The following FASTKD1 variants were observed in gnomAD, a reference collection of about 807,000 sequenced individuals.
The protein encoded by FASTKD1 is FAST kinase domain-containing protein 1, mitochondrial.
In FASTKD1, 94 loss-of-function variants were observed where a neutral mutation model predicts 90.9. The observed-to-expected ratio is 1.03, with a 90% CI of 0.88 to 1.23. The LOEUF is 1.23. Among genes scored for constraint, FASTKD1 ranks in the 50% most tolerant of loss-of-function variants. FASTKD1 has a pLI of 0.00. For synonymous variants in FASTKD1, 319 were observed against 345.8 expected (o/e 0.92, Z 0.86); for missense variants, 945 against 993.5 (o/e 0.95, Z 0.66).
intron 8 of FASTKD1, 100 bp downstream of exon 8, chr2:169,546,118 C>T (rs886411913): frequency 1.6e-6 from 2 of 1,281,686 alleles, no homozygotes; most frequent in Admixed American, 2.4e-5. Flanking sequence ...AATTTTTAAA[C>T]CTCAAATTCC....
chr2:169,544,850 C>A lies in FASTKD1; in HGVS notation c.1702-15G>T. On this transcript the variant is annotated splice_polypyrimidine_tract_variant and intron_variant, in intron 8 of 14. Transcript: ENST00000453153. ...AAAGGATGGATCTGTATAAAAAGAA[C>A]AAAAAATTTATAGTTTAAACTTTAG... The A allele has an allele frequency of 6.9e-7, 1 of 1,441,040 alleles. No individual in the cohort carries two copies. The highest frequency in any genetic ancestry group is 2.1e-5 in the Admixed American group (1 of 48,146). 89.3% of individuals were successfully genotyped at this position (1,441,040 alleles called of 1,614,324 possible).
In FASTKD1 at chr2:169,560,798, A is replaced by T; in HGVS notation, c.573-13T>A. 1 of 1,489,088 alleles carries T rather than the reference A, an allele frequency of 6.7e-7. No homozygotes were observed. Among genetic ancestry groups the T allele is most frequent in the South Asian group, 1.4e-5 (1 of 71,230 alleles). The allele number at this position is 1,489,088 out of a possible 1,614,324, so 92.2% of individuals were successfully genotyped here. ...GACAGACAAGGAACTGAAAAAGAAA[A>T]AAGATGCAAAGATTTTTACATCAAT... is the stretch of plus-strand genomic sequence containing the variant. On this transcript the variant is annotated splice_polypyrimidine_tract_variant and intron_variant, in intron 4 of 14. Coordinates refer to ENST00000453153, the MANE Select transcript of FASTKD1 (RefSeq NM_024622.6).
Position 169,572,010 on chromosome 2 carries a change from A to G in FASTKD1, c.20T>C (p.Phe7Ser). The change falls in exon 2 of 15, where the codon TTC (phenylalanine) becomes TCC (serine). Residue 7 changes from phenylalanine to serine, a missense_variant. By Grantham distance (155) the Phe-to-Ser change is radical. Coordinates refer to ENST00000453153, the MANE Select transcript of FASTKD1 (RefSeq NM_024622.6). ...CATATTTGTAACCAATGACTCTAGGAAAACAGGTGTTTTTTTCATTTATAT... is the reference window on the plus strand; with the variant it reads ...CATATTTGTAACCAATGACTCTAGGGAAACAGGTGTTTTTTTCATTTATAT... MKKTPV[F>S]LESLVTNMLR... 26 of 1,573,220 alleles carry G rather than the reference A, an allele frequency of 1.7e-5. No individual in the cohort carries two copies. Among genetic ancestry groups the G allele is most frequent in the Non-Finnish European group, 2.2e-5 (26 of 1,160,596 alleles).
In FASTKD1 at chr2:169,557,305, C is replaced by CAA. The variant is rs553731936; in HGVS notation, c.972-10_972-9dup. On this transcript the variant is annotated splice_polypyrimidine_tract_variant and intron_variant, in intron 5 of 14. Transcript: ENST00000453153. Reference sequence around the variant, plus strand: ...AACATAGTTGATTTAAGTCTAGAAGCAAAAAAAAAAAAGTTTTTGGTTGAA... The same window carrying CAA: ...AACATAGTTGATTTAAGTCTAGAAGCAAAAAAAAAAAAAAGTTTTTGGTTGAA... The CAA allele has an allele frequency of 4.1e-4, 479 of 1,179,020 alleles. No individual in the cohort carries two copies. The highest frequency in any genetic ancestry group is 4.6e-4 in the Non-Finnish European group (401 of 878,414). The allele number at this position is 1,179,020 out of a possible 1,614,324, so 73.0% of individuals were successfully genotyped here. A position where few individuals can be genotyped will look rare whatever the true frequency, so the allele number is the denominator to read the frequency against.
chr2:169,544,361 G>A (rs1268482373), intron 9 of FASTKD1, among the ~76,000 whole-genome samples: 3 of 152,134 alleles, frequency 2.0e-5, no homozygotes, highest in Non-Finnish European at 4.4e-5. Flanking sequence ...CCTGAGGTCA[G>A]GAGTTCCTGA....
In FASTKD1 at chr2:169,560,825, A is replaced by G. The variant is rs1683558127; in HGVS notation, c.573-40T>C. ...AGATGCAAAGATTTTTACATCAATT[A>G]AGAATGATCAATTCTTTTTTTTTTT... On this transcript the variant is annotated intron_variant, in intron 4 of 14. Coordinates refer to ENST00000453153, the MANE Select transcript of FASTKD1 (RefSeq NM_024622.6). 8 of 1,186,252 alleles carry G rather than the reference A, an allele frequency of 6.7e-6. No individual in the cohort carries two copies. In the Admixed American group the frequency reaches 2.1e-4, roughly 32 times the overall value. 73.5% of individuals were successfully genotyped at this position (1,186,252 alleles called of 1,614,324 possible).
chr2:169,548,674 GT>G (rs1277180791), intron 7 of FASTKD1, among the ~76,000 whole-genome samples: 2 of 138,256 alleles, frequency 1.4e-5, no homozygotes, highest in Non-Finnish European at 3.0e-5. Flanking sequence ...GGAGGTTGCA[GT>G]GAGCCGAGAT....
intron 14 of FASTKD1, 43 bp from the exon 15 acceptor site, chr2:169,529,969 C>A (rs1352188449): frequency 3.0e-6 from 4 of 1,342,632 alleles, no homozygotes; most frequent in Admixed American, 1.9e-5. Flanking sequence ...TTTAAAGCAA[C>A]AACAAAAAAC....
At chr2:169,533,612 AAT>A (rs1559137518) in intron 12 of FASTKD1, among the ~76,000 whole-genome samples, 2 of 152,222 alleles carry the variant, frequency 1.3e-5, no homozygotes, top group African/African-American at 4.8e-5. Context: ...CATAATAAGC[AAT>A]ATATAAAAAT....
intron 12 of FASTKD1, among the ~76,000 whole-genome samples, chr2:169,533,274 T>A (rs1414600907): frequency 6.6e-6 from 1 of 152,230 alleles, no homozygotes; most frequent in Non-Finnish European, 1.5e-5. Flanking sequence ...ATTCTTATCT[T>A]TTAAATATAC....
chr2:169,531,193 A>T, intron 13 of FASTKD1, 159 bp downstream of exon 13: 1 of 810,626 alleles, frequency 1.2e-6, no homozygotes, highest in Non-Finnish European at 2.2e-6. Context: ...GGAGAACATT[A>T]AAGCAGAAAG....
At chr2:169,555,481 A>C (rs1244248019) in intron 6 of FASTKD1, among the ~76,000 whole-genome samples, 1 of 152,250 alleles carries the variant, frequency 6.6e-6, no homozygotes, top group Non-Finnish European at 1.5e-5. Flanking sequence ...ACATTCACTT[A>C]TCAATAGTAC....
intron 7 of FASTKD1, among the ~76,000 whole-genome samples, chr2:169,553,482 T>A (rs79002101): frequency 6.6e-6 from 1 of 152,134 alleles, no homozygotes; most frequent in Non-Finnish European, 1.5e-5. Flanking sequence ...AACTTTCTTA[T>A]AACATCCTAA....
At position 169,550,060 on chromosome 2, in the gene FASTKD1, C is replaced by T. The variant is rs576723053; in HGVS notation, c.1215-3356G>A. Among the ~76,000 whole-genome samples the T allele has an allele frequency of 6.6e-5, 10 of 151,996 alleles. No homozygotes were observed. In the South Asian group the frequency reaches 8.3e-4, roughly 13 times the overall value. ...TTTTTTCTTTTAAGAGGGAGTCTTA[C>T]GATGTTTCCCAGGCTGATCTCCAAC... On this transcript the variant is annotated intron_variant, in intron 7 of 14. Coordinates refer to ENST00000453153, the MANE Select transcript of FASTKD1 (RefSeq NM_024622.6).
intron 10 of FASTKD1, among the ~76,000 whole-genome samples, chr2:169,538,434 T>C (rs1684820861): frequency 6.6e-6 from 1 of 151,960 alleles, no homozygotes; most frequent in Admixed American, 6.6e-5. Flanking sequence ...CCCAACACTT[T>C]GGGAGGCTGA....
intron 4 of FASTKD1, among the ~76,000 whole-genome samples, chr2:169,561,732 AAATT>A (rs1027697827): frequency 2.3e-5 from 3 of 130,376 alleles, no homozygotes; most frequent in African/African-American, 8.1e-5. Flanking sequence ...AATCTATTAT[AAATT>A]AATTATTCAT....
chr2:169,530,018 A>C (rs1684411640), intron 14 of FASTKD1, 92 bp from the exon 15 acceptor site: 2 of 856,942 alleles, frequency 2.3e-6, no homozygotes, highest in Admixed American at 5.6e-5. Flanking sequence ...TCAAAGCTGT[A>C]GGAATCCTAT....
chr2:169,544,976 T>A (rs767292918), intron 8 of FASTKD1, 141 bp from the exon 9 acceptor site: 1 of 547,350 alleles, frequency 1.8e-6, no homozygotes, highest in Non-Finnish European at 3.2e-6. Flanking sequence ...TTATTAATTT[T>A]TCCATCCTGC....
chr2:169,530,230 C>T (rs1427971083), intron 14 of FASTKD1, among the ~76,000 whole-genome samples: 2 of 152,188 alleles, frequency 1.3e-5, no homozygotes, highest in Non-Finnish European at 2.9e-5. Flanking sequence ...TACAGTGCCT[C>T]TCTCCTTTGT....
Sources: allele counts gnomAD v4.1 joint callset (sites outside exome capture counted in the v4.1 genomes callset), GRCh38; gene constraint gnomAD v4.1.1; transcripts MANE v1.5; gene names NCBI Gene and HGNC (gene_info 2026-07-23, HGNC 2026-07-21).